The following KIF16B variants were observed in gnomAD, a reference collection of about 807,000 sequenced individuals.
KIF16B encodes kinesin family member 16B.
Under a neutral mutation model 156.3 loss-of-function variants are expected in KIF16B, and 98 were observed. The observed-to-expected ratio is 0.63, with a 90% CI of 0.53 to 0.74. The LOEUF (loss-of-function observed/expected upper bound fraction) is 0.74, where lower values mean the gene tolerates loss of function less well. KIF16B is among the 30% of genes least tolerant of loss of function. KIF16B has a pLI of 0.00. For missense variants in KIF16B, 1,421 were observed against 1,606.5 expected (o/e 0.88, Z 1.97); for synonymous variants, 564 against 583.7 (o/e 0.97, Z 0.49).
At chr20:16,313,242 C>T (rs1318562417) in intron 24 of KIF16B, among the ~76,000 whole-genome samples, 2 of 152,108 alleles carry the variant, frequency 1.3e-5, no homozygotes, top group East Asian at 1.9e-4. Context: ...CAGGACCAGA[C>T]AAATTGAAGC....
chr20:16,367,049 C>T, intron 22 of KIF16B: 1 of 1,405,540 alleles, frequency 7.1e-7, no homozygotes, highest in Non-Finnish European at 9.3e-7. Flanking sequence ...ATTCAATTAG[C>T]TACACGGAGA....
intron 12 of KIF16B, among the ~76,000 whole-genome samples, chr20:16,473,476 T>C (rs978689908): frequency 6.6e-6 from 1 of 152,108 alleles, no homozygotes; most frequent in Non-Finnish European, 1.5e-5. Flanking sequence ...ATATTAAACA[T>C]AAAATTGCAA....
intron 25 of KIF16B, among the ~76,000 whole-genome samples, chr20:16,298,856 G>C (rs1164732847): frequency 6.6e-6 from 1 of 151,774 alleles, no homozygotes. Flanking sequence ...AGAACATGAG[G>C]AATTCAACAG....
chr20:16,350,908 T>A (rs2064327162), intron 23 of KIF16B, among the ~76,000 whole-genome samples: 1 of 151,236 alleles, frequency 6.6e-6, no homozygotes. Context: ...GGGGTCTGTG[T>A]CATACAAGAC....
intron 25 of KIF16B, among the ~76,000 whole-genome samples, chr20:16,279,971 C>A (rs1022538085): frequency 2.0e-5 from 3 of 152,138 alleles, no homozygotes; most frequent in African/African-American, 7.2e-5. Context: ...TTAGTTTATG[C>A]ATCAGGAAAA....
chr20:16,415,527 T>C (rs1313320199), intron 15 of KIF16B, among the ~76,000 whole-genome samples: 1 of 152,132 alleles, frequency 6.6e-6, no homozygotes, highest in Non-Finnish European at 1.5e-5. Flanking sequence ...ACCCATCTAC[T>C]GAGTGGTCAG....
At chr20:16,503,879 G>A (rs1302901025) in intron 10 of KIF16B, among the ~76,000 whole-genome samples, 4 of 152,170 alleles carry the variant, frequency 2.6e-5, no homozygotes, top group African/African-American at 9.7e-5. Flanking sequence ...CCCAGGGACA[G>A]CATTTCAGCC....
chr20:16,431,855 T>G (rs1452214608), intron 12 of KIF16B, among the ~76,000 whole-genome samples: 1 of 148,090 alleles, frequency 6.8e-6, no homozygotes, highest in Non-Finnish European at 1.5e-5. Context: ...GAATGGCTAT[T>G]AGTGTGTATA....
chr20:16,322,981 G>C (rs1453337492), intron 24 of KIF16B, among the ~76,000 whole-genome samples: 3 of 151,984 alleles, frequency 2.0e-5, no homozygotes, highest in Non-Finnish European at 4.4e-5. Flanking sequence ...ATTAAAATGG[G>C]TAATAAAAAG....
chr20:16,284,887 G>T (rs1039634733), intron 25 of KIF16B, among the ~76,000 whole-genome samples: 2 of 152,184 alleles, frequency 1.3e-5, no homozygotes, highest in African/African-American at 4.8e-5. Flanking sequence ...CCACGGTCCA[G>T]GCCTGAGACT....
At chr20:16,427,972 G>C (rs2146425231) in intron 14 of KIF16B, among the ~76,000 whole-genome samples, 1 of 152,256 alleles carries the variant, frequency 6.6e-6, no homozygotes, top group South Asian at 2.1e-4. Flanking sequence ...AGTTTCCACT[G>C]TCTCTACAAA....
At chr20:16,480,818 T>A (rs1335354875) in intron 12 of KIF16B, among the ~76,000 whole-genome samples, 4 of 152,238 alleles carry the variant, frequency 2.6e-5, no homozygotes, top group African/African-American at 9.6e-5. Flanking sequence ...AGTTTTTTTT[T>A]AATTCTGTGA....
chr20:16,530,145 T>C (rs963390198), intron 1 of KIF16B, among the ~76,000 whole-genome samples: 1 of 152,162 alleles, frequency 6.6e-6, no homozygotes, highest in African/African-American at 2.4e-5. Flanking sequence ...AGTGATTCAA[T>C]CCAAATACTG....
intron 11 of KIF16B, among the ~76,000 whole-genome samples, chr20:16,496,160 A>G (rs1445946662): frequency 6.6e-6 from 1 of 152,152 alleles, no homozygotes; most frequent in East Asian, 1.9e-4. Context: ...TCAGAGAAGG[A>G]ATATTCTTAT....
chr20:16,496,171 G>A (rs1396848438), intron 11 of KIF16B, among the ~76,000 whole-genome samples: 1 of 152,132 alleles, frequency 6.6e-6, no homozygotes, highest in South Asian at 2.1e-4. Flanking sequence ...ATATTCTTAT[G>A]CCTTCTCTCC....
At chr20:16,547,839 G>A (rs1438342036) in intron 1 of KIF16B, among the ~76,000 whole-genome samples, 1 of 152,136 alleles carries the variant, frequency 6.6e-6, no homozygotes, top group Admixed American at 6.5e-5. Flanking sequence ...GTGCATGTCC[G>A]GTAAACCAAA....
intron 12 of KIF16B, among the ~76,000 whole-genome samples, chr20:16,474,917 A>G (rs1030507577): frequency 6.6e-6 from 1 of 152,256 alleles, no homozygotes; most frequent in Non-Finnish European, 1.5e-5. Context: ...TAGCACCTGC[A>G]ACAATTTATT....
chr20:16,449,538 G>A (rs2067023844), intron 12 of KIF16B, among the ~76,000 whole-genome samples: 1 of 152,192 alleles, frequency 6.6e-6, no homozygotes, highest in Non-Finnish European at 1.5e-5. Flanking sequence ...CAATGACTCT[G>A]AGATGATAAA....
intron 1 of KIF16B, among the ~76,000 whole-genome samples, chr20:16,569,496 C>G (rs1304777180): frequency 6.6e-6 from 1 of 152,180 alleles, no homozygotes; most frequent in African/African-American, 2.4e-5. Flanking sequence ...TAAAAATAAA[C>G]TCATCACATC....
Sources: allele counts gnomAD v4.1 joint callset (sites outside exome capture counted in the v4.1 genomes callset), GRCh38; gene constraint gnomAD v4.1.1; transcripts MANE v1.5; gene names NCBI Gene and HGNC (gene_info 2026-07-23, HGNC 2026-07-21).